The following SRBD1 variants were observed in gnomAD, a reference collection of about 807,000 sequenced individuals.
SRBD1 encodes the protein S1 RNA-binding domain-containing protein 1.
A neutral mutation model predicts 115.3 loss-of-function variants in SRBD1; 88 were observed. The ratio of observed to expected loss-of-function variants is 0.76; its 90% CI spans 0.64 to 0.91. The LOEUF is 0.91. Ranked by LOEUF, SRBD1 falls within the 40% of genes least tolerant of loss-of-function variation. The probability of loss-of-function intolerance (pLI) is 0.00; values close to 1 mark genes in which losing one functional copy is unlikely to be tolerated. For synonymous variants in SRBD1, 509 were observed against 407.7 expected (o/e 1.25, Z -2.99); for missense variants, 1,385 against 1,177.4 (o/e 1.18, Z -2.58).
intron 10 of SRBD1, among the ~76,000 whole-genome samples, chr2:45,558,365 T>C (rs1672550258): frequency 1.3e-5 from 2 of 152,194 alleles, no homozygotes; most frequent in Admixed American, 1.3e-4. Flanking sequence ...AGAGAGCAAA[T>C]GCAGAAACTT....
intron 14 of SRBD1, among the ~76,000 whole-genome samples, chr2:45,494,339 T>C (rs1156256971): frequency 2.6e-5 from 4 of 152,116 alleles, no homozygotes; most frequent in Non-Finnish European, 4.4e-5. Context: ...GTAAGAACAA[T>C]TATTAATTGG....
At chr2:45,576,746 C>T (rs894987227) in intron 7 of SRBD1, among the ~76,000 whole-genome samples, 2 of 152,136 alleles carry the variant, frequency 1.3e-5, no homozygotes, top group African/African-American at 4.8e-5. Context: ...TATCCCAGAG[C>T]ATCATCACAT....
chr2:45,457,242 T>C (rs1403477547), intron 16 of SRBD1, among the ~76,000 whole-genome samples: 1 of 151,980 alleles, frequency 6.6e-6, no homozygotes, highest in African/African-American at 2.4e-5. Flanking sequence ...ATAATTTTTG[T>C]CCACACAGAT....
At chr2:45,515,237 C>T (rs887966308) in intron 14 of SRBD1, among the ~76,000 whole-genome samples, 3 of 152,066 alleles carry the variant, frequency 2.0e-5, no homozygotes, top group African/African-American at 7.2e-5. Flanking sequence ...CACTGTTATC[C>T]TACATGTGTA....
At chr2:45,479,288 T>C (rs532679188) in intron 15 of SRBD1, among the ~76,000 whole-genome samples, 16 of 152,178 alleles carry the variant, frequency 1.1e-4, no homozygotes, top group African/African-American at 3.6e-4. Context: ...TCACTTTAAA[T>C]CAAAAGCTAG....
At chr2:45,498,465 A>G (rs1183683409) in intron 14 of SRBD1, among the ~76,000 whole-genome samples, 4 of 152,138 alleles carry the variant, frequency 2.6e-5, no homozygotes, top group Non-Finnish European at 4.4e-5. Flanking sequence ...ATAATTTGAT[A>G]TCTGTATATA....
intron 7 of SRBD1, among the ~76,000 whole-genome samples, chr2:45,575,880 T>G (rs1004057091): frequency 6.6e-6 from 1 of 152,130 alleles, no homozygotes; most frequent in Non-Finnish European, 1.5e-5. Flanking sequence ...ATTTTTGTAT[T>G]TTTAGTAGTG....
intron 1 of SRBD1, among the ~76,000 whole-genome samples, chr2:45,608,474 C>T (rs1299733863): frequency 6.6e-6 from 1 of 152,136 alleles, no homozygotes; most frequent in East Asian, 1.9e-4. Context: ...CACCAATATT[C>T]TTGAGGCCTG....
At chr2:45,453,573 A>C (rs999216729) in intron 16 of SRBD1, among the ~76,000 whole-genome samples, 1 of 151,982 alleles carries the variant, frequency 6.6e-6, no homozygotes, top group African/African-American at 2.4e-5. Flanking sequence ...GAAAAAATGT[A>C]AAACATGTTG....
At chr2:45,427,169 CA>C (rs1190521442) in intron 16 of SRBD1, among the ~76,000 whole-genome samples, 1 of 141,348 alleles carries the variant, frequency 7.1e-6, no homozygotes, top group East Asian at 2.2e-4. Context: ...AGTCTCTAAC[CA>C]GTTTAGAGAA....
chr2:45,445,689 G>GCCAGAGTCCA (rs2103724983), intron 16 of SRBD1, among the ~76,000 whole-genome samples: 2 of 151,720 alleles, frequency 1.3e-5, no homozygotes, highest in South Asian at 4.2e-4. Context: ...CTTAAACCAT[G>GCCAGAGTCCA]CCAGAGTCCA....
chr2:45,465,000 T>TACAC (rs58288876), intron 16 of SRBD1, among the ~76,000 whole-genome samples: 2,268 of 120,246 alleles, frequency 0.019, 44 homozygotes, highest in East Asian at 0.067. Flanking sequence ...GTTGAGATTG[T>TACAC]ACACACACAC....
At chr2:45,412,838 C>G (rs1558561245) in intron 19 of SRBD1, among the ~76,000 whole-genome samples, 1 of 152,054 alleles carries the variant, frequency 6.6e-6, no homozygotes, top group Admixed American at 6.5e-5. Context: ...TGTTAATTTC[C>G]AAAACAAACA....
chr2:45,552,870 A>C (rs1013132660), intron 11 of SRBD1, among the ~76,000 whole-genome samples: 2 of 152,196 alleles, frequency 1.3e-5, no homozygotes, highest in African/African-American at 4.8e-5. Context: ...GTCCAGCAAA[A>C]GAGAAACAAG....
rs1304332823 is a variant in SRBD1 at position 45,413,117 on chromosome 2, A to G, written c.2510T>C (p.Met837Thr). 6.2e-7 allele frequency: 1 copy of G among 1,613,002 alleles called. No homozygotes were observed. The highest frequency in any genetic ancestry group is 8.5e-7 in the Non-Finnish European group (1 of 1,179,624). ...CCCACATGGGCCTCAGACTTACCTC[A>G]TTGCTATGTCATATGATTCTGGATG... ...CIHPESYDIA[M>T]RFLSSIGGTL... Residue 837 changes from methionine (M) to threonine (T), a missense_variant, in exon 19 of 21, where the codon ATG becomes ACG. Transcript: ENST00000263736.
chr2:45,459,604 C>G (rs539113907), intron 16 of SRBD1, among the ~76,000 whole-genome samples: 1 of 152,252 alleles, frequency 6.6e-6, no homozygotes, highest in Middle Eastern at 3.4e-3. Flanking sequence ...AAACAAAGAA[C>G]TACTAAAGTG....
intron 19 of SRBD1, among the ~76,000 whole-genome samples, chr2:45,393,571 G>A (rs1225565604): frequency 2.0e-5 from 3 of 152,096 alleles, no homozygotes; most frequent in African/African-American, 4.8e-5. Flanking sequence ...TAGTAGAGAC[G>A]GGGTTTCACT....
intron 14 of SRBD1, among the ~76,000 whole-genome samples, chr2:45,540,081 G>A (rs1026930924): frequency 2.0e-5 from 3 of 152,138 alleles, no homozygotes; most frequent in Non-Finnish European, 2.9e-5. Flanking sequence ...GGTGGCTCAC[G>A]CCTGTAACCC....
chr2:45,507,629 G>C (rs969266520), intron 14 of SRBD1, among the ~76,000 whole-genome samples: 2 of 151,918 alleles, frequency 1.3e-5, no homozygotes, highest in African/African-American at 4.8e-5. Context: ...GCTGAGGCAG[G>C]AGAATTGCTT....
Sources: allele counts gnomAD v4.1 joint callset (sites outside exome capture counted in the v4.1 genomes callset), GRCh38; gene constraint gnomAD v4.1.1; transcripts MANE v1.5; gene names NCBI Gene and HGNC (gene_info 2026-07-23, HGNC 2026-07-21).